Variants in DLGAP2 observed in about 807,000 individuals in gnomAD.
DLGAP2 encodes disks large-associated protein 2.
A neutral mutation model predicts 100.3 loss-of-function variants in DLGAP2; 26 were observed. The observed-to-expected ratio is 0.26, with a 90% CI of 0.19 to 0.36. The LOEUF (loss-of-function observed/expected upper bound fraction) is 0.36. Among genes scored for constraint, DLGAP2 ranks in the 10% least tolerant of loss-of-function variants. The pLI is 1.00. For missense variants in DLGAP2, 1,858 were observed against 1,453.2 expected (o/e 1.28, Z -4.53); for synonymous variants, 886 against 630.1 (o/e 1.41, Z -6.08).
At chr8:1,177,971 C>A (rs377138652) in intron 2 of DLGAP2, among the ~76,000 whole-genome samples, 1 of 152,258 alleles carries the variant, frequency 6.6e-6, no homozygotes, top group East Asian at 1.9e-4. Context: ...ACATCTCCAA[C>A]ACAGCATCTC....
At chr8:1,687,004 A>G (rs1460668358) in intron 12 of DLGAP2, among the ~76,000 whole-genome samples, 1 of 152,160 alleles carries the variant, frequency 6.6e-6, no homozygotes, top group African/African-American at 2.4e-5. Flanking sequence ...CAACTGTGAT[A>G]AATCCATTAA....
chr8:794,892 C>G (rs57126504), intron 1 of DLGAP2, among the ~76,000 whole-genome samples: 19,992 of 151,614 alleles, frequency 0.13, 1,919 homozygotes, highest in East Asian at 0.54. Context: ...AGCTGCAGGA[C>G]GGGGTCCCTG....
chr8:1,180,569 C>T (rs887046331), intron 2 of DLGAP2, among the ~76,000 whole-genome samples: 3 of 151,100 alleles, frequency 2.0e-5, no homozygotes, highest in Admixed American at 6.7e-5. Flanking sequence ...TGGCACACAT[C>T]GTGTGCAATG....
At chr8:1,060,199 G>T (rs954843345) in intron 2 of DLGAP2, among the ~76,000 whole-genome samples, 2 of 152,202 alleles carry the variant, frequency 1.3e-5, no homozygotes, top group Non-Finnish European at 1.5e-5. Flanking sequence ...GAAGACCACA[G>T]ACTGGGTGGC....
chr8:1,188,576 C>G (rs937912952), intron 2 of DLGAP2, among the ~76,000 whole-genome samples: 1 of 151,942 alleles, frequency 6.6e-6, no homozygotes, highest in Non-Finnish European at 1.5e-5. Context: ...ATGTTTCCCT[C>G]ACGGAATCTC....
intron 1 of DLGAP2, among the ~76,000 whole-genome samples, chr8:880,360 A>G (rs1343719664): frequency 1.3e-5 from 2 of 152,142 alleles, no homozygotes; most frequent in East Asian, 3.9e-4. Context: ...GAGACACCAT[A>G]AATCATTCCC....
At chr8:927,379 C>T (rs951779283) in intron 2 of DLGAP2, among the ~76,000 whole-genome samples, 1 of 152,096 alleles carries the variant, frequency 6.6e-6, no homozygotes, top group Non-Finnish European at 1.5e-5. Flanking sequence ...GTGTTTAAAA[C>T]GTTCTGGTCC....
intron 2 of DLGAP2, among the ~76,000 whole-genome samples, chr8:1,194,445 T>A (rs1585140327): frequency 6.6e-6 from 1 of 152,106 alleles, no homozygotes; most frequent in East Asian, 1.9e-4. Flanking sequence ...CAGGGCGGCC[T>A]CCAGGTGGGG....
At chr8:1,171,484 A>G (rs200392440) in intron 2 of DLGAP2, among the ~76,000 whole-genome samples, 5,255 of 150,870 alleles carry the variant, frequency 0.035, 347 homozygotes, top group African/African-American at 0.12. Context: ...ACAGTGGGGT[A>G]TTAAAGTCTC....
intron 6 of DLGAP2, among the ~76,000 whole-genome samples, chr8:1,584,705 A>C (rs905644846): frequency 2.0e-5 from 3 of 152,124 alleles, no homozygotes; most frequent in African/African-American, 7.2e-5. Flanking sequence ...GGCACTTGGC[A>C]CTTGCTCCTG....
At chr8:1,430,225 T>C (rs1242134429) in intron 3 of DLGAP2, among the ~76,000 whole-genome samples, 3 of 151,562 alleles carry the variant, frequency 2.0e-5, no homozygotes, top group Non-Finnish European at 4.4e-5. Flanking sequence ...TGATCTGTGA[T>C]TCCTTTGGTT....
At chr8:1,210,875 C>G (rs1798089385) in intron 2 of DLGAP2, among the ~76,000 whole-genome samples, 1 of 152,226 alleles carries the variant, frequency 6.6e-6, no homozygotes, top group Non-Finnish European at 1.5e-5. Flanking sequence ...CCTCCCAGAT[C>G]CTCTGCCAGT....
chr8:859,773 G>A (rs1313770668), intron 1 of DLGAP2, among the ~76,000 whole-genome samples: 1 of 152,162 alleles, frequency 6.6e-6, no homozygotes, highest in Non-Finnish European at 1.5e-5. Context: ...TATTCAAGTA[G>A]CAGGAGTGAA....
At chr8:1,424,367 C>A (rs1324397654) in intron 3 of DLGAP2, among the ~76,000 whole-genome samples, 1 of 152,196 alleles carries the variant, frequency 6.6e-6, no homozygotes, top group Non-Finnish European at 1.5e-5. Flanking sequence ...ACACATTTTT[C>A]TCATTTTTCT....
intron 2 of DLGAP2, among the ~76,000 whole-genome samples, chr8:1,141,622 C>G (rs1232451180): frequency 6.6e-6 from 1 of 152,112 alleles, no homozygotes; most frequent in Non-Finnish European, 1.5e-5. Flanking sequence ...TGGACATACT[C>G]AAAGACATGG....
intron 2 of DLGAP2, among the ~76,000 whole-genome samples, chr8:1,185,868 A>G (rs1249456500): frequency 6.6e-6 from 1 of 152,136 alleles, no homozygotes; most frequent in Non-Finnish European, 1.5e-5. Flanking sequence ...GTGACGCCCA[A>G]CTTGCCCCAC....
At chr8:773,738 A>G (rs999757752) in intron 1 of DLGAP2, among the ~76,000 whole-genome samples, 1 of 152,060 alleles carries the variant, frequency 6.6e-6, no homozygotes, top group East Asian at 1.9e-4. Flanking sequence ...TTCTTAATCC[A>G]GTCTATCATT....
intron 6 of DLGAP2, among the ~76,000 whole-genome samples, chr8:1,569,105 A>G (rs992620558): frequency 3.5e-5 from 5 of 141,796 alleles, no homozygotes; most frequent in Admixed American, 7.1e-5. Flanking sequence ...CCCCCATGCC[A>G]CTGCCCACTC....
intron 2 of DLGAP2, among the ~76,000 whole-genome samples, chr8:1,035,092 T>C (rs78614234): frequency 6.7e-4 from 1 of 1,498 alleles, no homozygotes; most frequent in African/African-American, 6.3e-3. Flanking sequence ...CGCGAGTGGA[T>C]TCACACGCTC....
Sources: gnomAD v4.1 joint callset for allele counts (sites outside exome capture counted in the v4.1 genomes callset) on GRCh38, gnomAD v4.1.1 for gene constraint, MANE v1.5 for transcripts, NCBI Gene and HGNC (gene_info 2026-07-23, HGNC 2026-07-21) for gene names.